The following ZNF638 variants were observed in gnomAD, a reference collection of about 807,000 sequenced individuals.
ZNF638 encodes zinc finger protein 638.
ZNF638 carries 46 observed loss-of-function variants against 195.6 expected under a neutral mutation model. That is an observed-to-expected ratio of 0.24 (90% CI 0.19 to 0.30). ZNF638 has a LOEUF of 0.30. Ranked by LOEUF, ZNF638 falls within the 10% of genes least tolerant of loss-of-function variation. ZNF638 has a pLI of 1.00. For synonymous variants in ZNF638, 845 were observed against 772.0 expected (o/e 1.09, Z -1.57); for missense variants, 2,440 against 2,325.3 (o/e 1.05, Z -1.01).
chr2:71,419,580 C>G (rs2080379894), intron 21 of ZNF638, among the ~76,000 whole-genome samples: 1 of 152,128 alleles, frequency 6.6e-6, no homozygotes, highest in Non-Finnish European at 1.5e-5. Context: ...TAGGTTTGCT[C>G]TGTGTGTCAG....
chr2:71,355,804 T>C (rs754947427), intron 3 of ZNF638, 24 bp downstream of exon 3: 1 of 1,420,564 alleles, frequency 7.0e-7, no homozygotes, highest in Non-Finnish European at 9.7e-7. Flanking sequence ...TTTCCTTTAT[T>C]ATAGATAGCA....
intron 20 of ZNF638, among the ~76,000 whole-genome samples, chr2:71,410,121 A>G (rs535759300): frequency 6.6e-6 from 1 of 152,262 alleles, no homozygotes; most frequent in African/African-American, 2.4e-5. Context: ...GATCAAAACT[A>G]TTTTGTTCCT....
intron 10 of ZNF638, among the ~76,000 whole-genome samples, chr2:71,394,613 C>G (rs1231051872): frequency 6.6e-6 from 1 of 151,992 alleles, no homozygotes; most frequent in African/African-American, 2.4e-5. Context: ...TCCTACCAGT[C>G]AGTTTGATAC....
Position 71,426,618 on chromosome 2 carries a change from G to A in ZNF638, c.4749G>A (p.Lys1583=). 6.2e-7 allele frequency: 1 copy of A among 1,614,118 alleles called. No homozygotes were observed. Among genetic ancestry groups the A allele is most frequent in the Non-Finnish European group, 8.5e-7 (1 of 1,180,006 alleles). Residue 1583 remains lysine (K), a synonymous_variant, in exon 24 of 28, where the codon AAG becomes AAA. Coordinates refer to ENST00000264447, the MANE Select transcript of ZNF638 (RefSeq NM_014497.5). The part of the protein sequence containing the change: ...PFSELNLKKK[K]GKTSTPRGVE... The stretch of plus-strand genomic sequence containing the variant: ...CTGAACTTAACTTAAAGAAGAAAAA[G>A]GGGAAAACTTCCACTCCTCGTGGTG...
At chr2:71,348,725 G>A (rs2104170748) in intron 1 of ZNF638, 28 bp from the exon 2 acceptor site, 6 of 1,493,818 alleles carry the variant, frequency 4.0e-6, no homozygotes, top group East Asian at 2.6e-5. Flanking sequence ...GAGTTAAAAT[G>A]ATCTAATATT....
chr2:71,383,560 GTTT>G lies in ZNF638; in HGVS notation c.2377+3014_2377+3016del, dbSNP rs57987492. Among the ~76,000 whole-genome samples, 268 of 122,102 alleles carry G rather than the reference GTTT, an allele frequency of 2.2e-3. 4 individuals are homozygous for G. Among genetic ancestry groups the G allele is most frequent in the Non-Finnish European group, 3.1e-3 (185 of 60,632 alleles). The allele number at this position is 122,102 out of a possible 152,430, so 80.1% of individuals were successfully genotyped here. A position where few individuals can be genotyped will look rare whatever the true frequency, so the allele number is the denominator to read the frequency against. On this transcript the variant is annotated intron_variant, in intron 10 of 27. Coordinates refer to ENST00000264447, the MANE Select transcript of ZNF638 (RefSeq NM_014497.5). ...CATGTCATGCTTTTCTTCCTGGGTG[GTTT>G]TTTTTTTTTTTTTTTTTTCTTCTTT...
chr2:71,333,524 T>C (rs1171029562), intron 1 of ZNF638, among the ~76,000 whole-genome samples: 1 of 152,218 alleles, frequency 6.6e-6, no homozygotes, highest in Non-Finnish European at 1.5e-5. Flanking sequence ...AAGGTTTAGG[T>C]ACTGTAGTTT....
At chr2:71,375,867 G>GTAA (rs2104329753) in intron 8 of ZNF638, 1 of 152,198 alleles carries the variant, frequency 6.6e-6, no homozygotes, top group African/African-American at 2.4e-5. Flanking sequence ...TGTGATAATG[G>GTAA]TAATGGTTTG....
At chr2:71,372,499 G>T (rs193159884) in intron 8 of ZNF638, among the ~76,000 whole-genome samples, 2 of 152,310 alleles carry the variant, frequency 1.3e-5, no homozygotes, top group Admixed American at 6.5e-5. Flanking sequence ...CTCTGTCCAT[G>T]TTGTGGGGCC....
At chr2:71,422,682 T>TTACG in intron 21 of ZNF638, 132 bp from the exon 22 acceptor site, 1 of 883,856 alleles carries the variant, frequency 1.1e-6, no homozygotes, top group Non-Finnish European at 1.7e-6. Flanking sequence ...CCAGTGCTTA[T>TTACG]TACGAATGCA....
chr2:71,352,493 AAT>A lies in ZNF638; in HGVS notation c.1317+2224_1317+2225del, dbSNP rs1491014424. Among the ~76,000 whole-genome samples the A allele has an allele frequency of 2.5e-3, 119 of 47,558 alleles. 2 individuals carry two copies. Among genetic ancestry groups the A allele is most frequent in the Non-Finnish European group, 3.5e-3 (85 of 24,502 alleles). The allele number at this position is 47,558 out of a possible 152,430, so 31.2% of individuals were successfully genotyped here. On this transcript the variant is annotated intron_variant, in intron 2 of 27. Transcript: ENST00000264447. Reference sequence around the variant, plus strand: ...ACTCCATCTCAAAAAAAATAAAAAAAATAAAAAAAAAAAAAAAGAAGAGGAGG... The same window carrying A: ...ACTCCATCTCAAAAAAAATAAAAAAAAAAAAAAAAAAAAAAGAAGAGGAGG...
intron 1 of ZNF638, among the ~76,000 whole-genome samples, chr2:71,336,372 CAAAAAAAAAAAAAAAAAA>C (rs66593443): frequency 7.6e-5 from 8 of 105,558 alleles, no homozygotes; most frequent in Non-Finnish European, 1.3e-4. Flanking sequence ...ATTCCATCTC[CAAAAAAAAAAAAAAAAAA>C]AAAAAAAAAA....
Position 71,393,354 on chromosome 2 carries a change from C to T in ZNF638, c.2378-2787C>T, listed in dbSNP as rs115425557. The T allele has an allele frequency of 1.6e-3, 1,153 of 711,712 alleles. 17 individuals are homozygous for T. The African/African-American group carries it at 0.018, about 11-fold the overall frequency. The allele number at this position is 711,712 out of a possible 1,614,324, so 44.1% of individuals were successfully genotyped here. ...TGGTGTAGTCCAAATGAATTGCTAA[C>T]GTGGGGAAGATGATATGCTTGTGTT... On this transcript the variant is annotated intron_variant, in intron 10 of 27. Coordinates refer to ENST00000264447, the MANE Select transcript of ZNF638 (RefSeq NM_014497.5).
chr2:71,388,809 C>G, intron 10 of ZNF638: 1 of 760,458 alleles, frequency 1.3e-6, no homozygotes, highest in Non-Finnish European at 2.3e-6. Flanking sequence ...GCTGTCCGCA[C>G]AACAGAAACA....
intron 20 of ZNF638, among the ~76,000 whole-genome samples, chr2:71,409,555 C>G (rs1208097984): frequency 6.6e-6 from 1 of 152,180 alleles, no homozygotes; most frequent in Admixed American, 6.5e-5. Context: ...AACCTCTACA[C>G]TCACAGGTGA....
intron 10 of ZNF638, among the ~76,000 whole-genome samples, chr2:71,384,979 G>A (rs2079608041): frequency 6.6e-6 from 1 of 152,136 alleles, no homozygotes; most frequent in Non-Finnish European, 1.5e-5. Context: ...CTTTCAGAAA[G>A]CAATATCGAT....
In ZNF638 at chr2:71,399,511, A is replaced by G. The variant is rs575880231; in HGVS notation, c.2501-48A>G. On this transcript the variant is annotated intron_variant, in intron 12 of 27. Coordinates refer to ENST00000264447, the MANE Select transcript of ZNF638 (RefSeq NM_014497.5). Reference sequence around the variant, plus strand: ...AATACATTAGTGTGAAACATGCTAAATGATTTAACAAGACCTTTAGAATAA... The same window carrying G: ...AATACATTAGTGTGAAACATGCTAAGTGATTTAACAAGACCTTTAGAATAA... 11 of 1,360,872 alleles carry G rather than the reference A, an allele frequency of 8.1e-6. No individual in the cohort carries two copies. The African/African-American group carries it at 1.0e-4, about 13-fold the overall frequency. 84.3% of individuals were successfully genotyped at this position (1,360,872 alleles called of 1,614,324 possible). A position where few individuals can be genotyped will look rare whatever the true frequency, so the allele number is the denominator to read the frequency against.
At chr2:71,344,630 C>G (rs1328784812) in intron 1 of ZNF638, among the ~76,000 whole-genome samples, 1 of 152,114 alleles carries the variant, frequency 6.6e-6, no homozygotes, top group East Asian at 1.9e-4. Context: ...GAGTACTTAA[C>G]ATTTAAAAAA....
intron 24 of ZNF638, 67 bp from the exon 25 acceptor site, chr2:71,428,480 A>G: frequency 7.0e-7 from 1 of 1,421,116 alleles, no homozygotes; most frequent in Non-Finnish European, 9.7e-7. Flanking sequence ...AGACAGTATA[A>G]TATGTTTAAT....
Sources: gnomAD v4.1 joint callset for allele counts (sites outside exome capture counted in the v4.1 genomes callset) on GRCh38, gnomAD v4.1.1 for gene constraint, MANE v1.5 for transcripts, NCBI Gene and HGNC (gene_info 2026-07-23, HGNC 2026-07-21) for gene names.